Variants in KMT5C observed in about 807,000 individuals in gnomAD.
The protein encoded by KMT5C is histone-lysine N-methyltransferase KMT5C.
Under a neutral mutation model 38.2 loss-of-function variants are expected in KMT5C, and 16 were observed. That is an observed-to-expected ratio of 0.42 (90% CI 0.28 to 0.64). The LOEUF is 0.64. Among genes scored for constraint, KMT5C ranks in the 30% least tolerant of loss-of-function variants. The pLI is 0.23. For missense variants in KMT5C, 598 were observed against 665.1 expected, an observed-to-expected ratio of 0.90 and a Z score of 1.11; for synonymous variants, 291 against 279.0, an observed-to-expected ratio of 1.04 and a Z score of -0.43.
At position 55,342,318 on chromosome 19, in the gene KMT5C, G is replaced by A. The variant is rs777786816; in HGVS notation, c.214G>A (p.Gly72Ser). Residue 72 changes from glycine (G) to serine (S), a missense_variant, in exon 3 of 9, where the codon GGC becomes AGC. Around this residue, in one of 3 missense-constraint regions of KMT5C, gnomAD observed 167 missense variants for 187.8 expected, o/e 0.89. Transcript: ENST00000255613. ...TGCGTACCGGGCCCTGACGCTGGGA[G>A]GCTGGACGGCCCGCTACTTCCAGAG... ...EAAYRALTLG[G>S]WTARYFQSRG... is the part of the protein sequence containing the mutation. The A allele has an allele frequency of 1.8e-5, 28 of 1,577,210 alleles. No homozygotes were observed. The East Asian group carries it at 6.5e-4, about 37-fold the overall frequency.
At chr19:55,340,109 G>C (rs1257733946) in intron 1 of KMT5C, among the ~76,000 whole-genome samples, 152 bp downstream of exon 1, 1 of 132,668 alleles carries the variant, frequency 7.5e-6, no homozygotes, top group Non-Finnish European at 1.6e-5. Context: ...GCCCCTCGCC[G>C]GGCCTCGGGC....
In KMT5C at chr19:55,343,750, C is replaced by G; in HGVS notation, c.457C>G (p.Leu153Val). 6.3e-7 allele frequency: 1 copy of G among 1,598,758 alleles called. No homozygotes were observed. Among genetic ancestry groups the G allele is most frequent in the Non-Finnish European group, 8.5e-7 (1 of 1,172,438 alleles). ...AELREADEGL[L>V]RAGENDFSIM... is the part of the protein sequence containing the mutation. ...GCTGCGGGAGGCAGATGAGGGGCTG[C>G]TGAGGGCCGGTGAGAATGACTTCAG... The change falls in exon 5 of 9, where the codon CTG (leucine) becomes GTG (valine). Residue 153 changes from leucine (L) to valine (V), a missense_variant. Physicochemically the swap from Leu to Val is conservative, Grantham distance 32. This residue lies in a region of KMT5C where 105 missense variants were observed against 179.2 expected (regional missense o/e 0.59). Transcript: ENST00000255613. This position sits in a 1 kb window ranked among gnomAD's most constrained non-coding sequence, Gnocchi z 5.5.
rs2089580697 is a variant in KMT5C, at chr19:55,343,257, C to G, written c.386+406C>G. On this transcript the variant is annotated intron_variant, in intron 4 of 8. Coordinates refer to ENST00000255613, the MANE Select transcript of KMT5C (RefSeq NM_032701.4). The surrounding 1 kb of genome is among the most constrained non-coding windows in gnomAD (Gnocchi z 5.5). ...GTCAACATGCAGTCACTGGTCCCAG[C>G]TGGTACATGCTGCAGGGGAGCTGTG... 3.2e-6 allele frequency: 1 copy of G among 310,020 alleles called. No individual in the cohort carries two copies. Among genetic ancestry groups the G allele is most frequent in the Non-Finnish European group, 6.2e-6 (1 of 161,762 alleles). The allele number at this position is 310,020 out of a possible 1,614,324, so 19.2% of individuals were successfully genotyped here.
chr19:55,346,056 G>C (rs1048654158), intron 6 of KMT5C, 157 bp from the exon 7 acceptor site: 2 of 808,260 alleles, frequency 2.5e-6, no homozygotes, highest in African/African-American at 3.4e-5. Flanking sequence ...ACAGGCCCTC[G>C]GCAAGGCAGC....
At position 55,346,489 on chromosome 19, in the gene KMT5C, C is replaced by T. The variant is rs372350506; in HGVS notation, c.708-11C>T. Reference sequence around the variant, plus strand: ...CACCCGGCCTCATCTCCCCTTCACCCGGTCTCCCAGGAAAGGTGAAGGAGC... The same window carrying T: ...CACCCGGCCTCATCTCCCCTTCACCTGGTCTCCCAGGAAAGGTGAAGGAGC... On this transcript the variant is annotated splice_polypyrimidine_tract_variant and intron_variant, in intron 7 of 8. Transcript: ENST00000255613. 1.4e-4 allele frequency: 221 copies of T among 1,591,326 alleles called. No homozygotes were observed. Among genetic ancestry groups the T allele is most frequent in the African/African-American group, 2.8e-4 (21 of 74,250 alleles).
At position 55,342,230 on chromosome 19, in the gene KMT5C, G is replaced by A. The variant is rs758457545; in HGVS notation, c.126G>A (p.Leu42=). 1.9e-6 allele frequency: 3 copies of A among 1,610,054 alleles called. No homozygotes were observed. The highest frequency in any genetic ancestry group is 1.7e-6 in the Non-Finnish European group (2 of 1,178,944). The part of the protein sequence containing the change: ...HKMNVSPVPP[L]RRQQHLRSAL... ...TCTCCCCCAGCCCTGTGCCCCCCCTGCGGCGACAGCAGCACCTGCGCTCAG... is the reference window on the plus strand; with the variant it reads ...TCTCCCCCAGCCCTGTGCCCCCCCTACGGCGACAGCAGCACCTGCGCTCAG... The change falls in exon 3 of 9, where the codon CTG becomes CTA. Residue 42 remains leucine (L), a synonymous_variant. Transcript: ENST00000255613.
At chr19:55,341,374 G>A (rs1173480283) in intron 1 of KMT5C, among the ~76,000 whole-genome samples, 1 of 152,168 alleles carries the variant, frequency 6.6e-6, no homozygotes, top group East Asian at 1.9e-4. Context: ...GGAGGCAGGG[G>A]GCGGAGACCG....
chr19:55,340,947 T>C (rs1232060033), intron 1 of KMT5C, among the ~76,000 whole-genome samples: 1 of 151,098 alleles, frequency 6.6e-6, no homozygotes, highest in Non-Finnish European at 1.5e-5. Context: ...CCTCTTTCTC[T>C]CCCGCAGCCT....
rs780422307 is a variant in KMT5C at position 55,342,033 on chromosome 19, A to T, written c.97A>T (p.Lys33Ter). The T allele has an allele frequency of 6.2e-7, 1 of 1,613,304 alleles. No individual in the cohort carries two copies. Among genetic ancestry groups the T allele is most frequent in the Non-Finnish European group, 8.5e-7 (1 of 1,179,558 alleles). Reference protein sequence around the residue: ...LDPYLGFRTHKMNVSPVPPLR... With the variant: ...LDPYLGFRTH ...CCCCTACCTCGGTTTCCGCACCCATAAGATGAACGTCAGGTGAGGTGGCCT... is the reference window on the plus strand; with the variant it reads ...CCCCTACCTCGGTTTCCGCACCCATTAGATGAACGTCAGGTGAGGTGGCCT... Residue 33 changes from lysine to a stop codon, truncating the protein, a stop_gained, in exon 2 of 9, where the codon AAG becomes TAG. Transcript: ENST00000255613. LOFTEE classifies it high-confidence loss of function.
rs1676235422 is a variant in KMT5C at position 55,347,919 on chromosome 19, T to TG, written c.*476dup. ...CAGCTGTCTGCGGTGGGGGGAAGGTTGGGGGGTGTCTGGAGGCATGTTCCC... is the reference window on the plus strand; with the variant it reads ...CAGCTGTCTGCGGTGGGGGGAAGGTTGGGGGGGTGTCTGGAGGCATGTTCCC... On this transcript the variant is annotated 3_prime_UTR_variant, in exon 9 of 9. Transcript: ENST00000255613. This position sits in a 1 kb window ranked among gnomAD's most constrained non-coding sequence, Gnocchi z 4.6. 1.9e-5 allele frequency: 3 copies of TG among 156,988 alleles called. No individual in the cohort carries two copies. The highest frequency in any genetic ancestry group is 2.0e-4 in the South Asian group (1 of 4,950). The allele number at this position is 156,988 out of a possible 1,614,324, so 9.7% of individuals were successfully genotyped here. A position where few individuals can be genotyped will look rare whatever the true frequency, so the allele number is the denominator to read the frequency against.
chr19:55,344,692 G>T (rs10405176), intron 6 of KMT5C: 6 of 519,642 alleles, frequency 1.2e-5, no homozygotes, highest in Non-Finnish European at 2.0e-5. Flanking sequence ...AGGCCAGAGA[G>T]CCCCAGGGGC....
Position 55,343,650 on chromosome 19 carries a change from C to T in KMT5C, c.387-30C>T. The T allele has an allele frequency of 6.5e-6, 10 of 1,548,796 alleles. No individual in the cohort carries two copies. The highest frequency in any genetic ancestry group is 8.7e-6 in the Non-Finnish European group (10 of 1,146,018). ...ACACCTGCAGGAGGCCAGGCATCGC[C>T]CACAGCCCTGCCCCCTGGCCTCTTG... On this transcript the variant is annotated intron_variant, in intron 4 of 8. Coordinates refer to ENST00000255613, the MANE Select transcript of KMT5C (RefSeq NM_032701.4). The surrounding 1 kb of genome is among the most constrained non-coding windows in gnomAD (Gnocchi z 5.5).
At position 55,346,255 on chromosome 19, in the gene KMT5C, C is replaced by A; in HGVS notation, c.613C>A (p.Arg205=). The A allele has an allele frequency of 1.9e-6, 3 of 1,613,988 alleles. No homozygotes were observed. The highest frequency in any genetic ancestry group is 2.5e-6 in the Non-Finnish European group (3 of 1,179,964). Reference sequence around the variant, plus strand: ...GAACGCAGCCTGCGTGAAGGTGCTCCGGGACATTGAGCCTGGGGACGAGGT... The same window carrying A: ...GAACGCAGCCTGCGTGAAGGTGCTCAGGGACATTGAGCCTGGGGACGAGGT... ...DGNAACVKVL[R]DIEPGDEVTC... The change falls in exon 7 of 9, where the codon CGG becomes AGG. Residue 205 remains arginine, a synonymous_variant. Transcript: ENST00000255613.
In KMT5C at chr19:55,342,290, G is replaced by A. The variant is rs1358153922; in HGVS notation, c.186G>A (p.Glu62=). The part of the protein sequence containing the change: ...LETFLRQRDL[E]AAYRALTLGG... ...CTTTCCTGAGGCAGCGGGACCTGGA[G>A]GCTGCGTACCGGGCCCTGACGCTGG... Residue 62 remains glutamate (E), a synonymous_variant, in exon 3 of 9, where the codon GAG becomes GAA. Coordinates refer to ENST00000255613, the MANE Select transcript of KMT5C (RefSeq NM_032701.4). 1 of 1,601,280 alleles carries A rather than the reference G, an allele frequency of 6.2e-7. No individual in the cohort carries two copies. The highest frequency in any genetic ancestry group is 1.3e-5 in the African/African-American group (1 of 74,724).
rs1569022781 is a variant in KMT5C at position 55,347,028 on chromosome 19, T to TGCCTCA, written c.972_977dup (p.Gln327_Pro328dup). On this transcript the variant is annotated inframe_insertion, in exon 9 of 9. Transcript: ENST00000255613. The surrounding 1 kb of genome is among the most constrained non-coding windows in gnomAD (Gnocchi z 4.6). Reference sequence around the variant, plus strand: ...ACCTCACCCCTCTGGCTCCAGTGGCTGCCTCAGCCCCAGCCCCGAGTGCGG... The same window carrying TGCCTCA: ...ACCTCACCCCTCTGGCTCCAGTGGCTGCCTCAGCCTCAGCCCCAGCCCCGAGTGCGG... 2.0e-6 allele frequency: 3 copies of TGCCTCA among 1,488,592 alleles called. No homozygotes were observed. The highest frequency in any genetic ancestry group is 1.7e-5 in the Admixed American group (1 of 59,630). The allele number at this position is 1,488,592 out of a possible 1,614,324, so 92.2% of individuals were successfully genotyped here.
In KMT5C at chr19:55,342,108, G is replaced by T; in HGVS notation, c.110+62G>T. On this transcript the variant is annotated intron_variant, in intron 2 of 8. Transcript: ENST00000255613. ...TCAGGACCCCTCCCCTTGCACCGCTGCCGCCCCTCGGCCCTCTCCTTAGCC... is the reference window on the plus strand; with the variant it reads ...TCAGGACCCCTCCCCTTGCACCGCTTCCGCCCCTCGGCCCTCTCCTTAGCC... 3.2e-6 allele frequency: 5 copies of T among 1,575,354 alleles called. No individual in the cohort carries two copies. In the South Asian group the frequency reaches 5.5e-5, roughly 17 times the overall value.
At chr19:55,342,994 T>G in intron 4 of KMT5C, 143 bp downstream of exon 4, 1 of 638,902 alleles carries the variant, frequency 1.6e-6, no homozygotes, top group South Asian at 1.8e-5. Context: ...GTGGTGGGGC[T>G]AATCCCGGAA....
At chr19:55,340,015 G>A (rs1386400490) in intron 1 of KMT5C, 58 bp downstream of exon 1, 1 of 150,978 alleles carries the variant, frequency 6.6e-6, no homozygotes, top group Non-Finnish European at 1.5e-5. Flanking sequence ...GCCCCGCGCC[G>A]CCTTGGCTCC....
chr19:55,346,368 C>T lies in KMT5C; in HGVS notation c.707+19C>T, dbSNP rs371225011. 1.5e-5 allele frequency: 24 copies of T among 1,613,696 alleles called. No individual in the cohort carries two copies. Among genetic ancestry groups the T allele is most frequent in the African/African-American group, 6.7e-5 (5 of 74,890 alleles). On this transcript the variant is annotated intron_variant, in intron 7 of 8. Transcript: ENST00000255613. ...GTGAGAGGTGGGACCGGGCGAGAGG[C>T]GGCTGGGTTCGGGTCGTCTGGGCTT...
Sources: gnomAD v4.1 joint callset for allele counts (sites outside exome capture counted in the v4.1 genomes callset) on GRCh38, gnomAD v4.1.1 for gene constraint, gnomAD v4.1.1 regional missense constraint, Gnocchi (gnomAD v3.1) non-coding constraint, MANE v1.5 for transcripts, NCBI Gene and HGNC (gene_info 2026-07-23, HGNC 2026-07-21) for gene names.